The following NALF1 variants were observed in gnomAD, a reference collection of about 807,000 sequenced individuals.
NALF1 encodes the protein NALCN channel auxiliary factor 1.
Under a neutral mutation model 48.4 loss-of-function variants are expected in NALF1, and 3 were observed. The ratio of observed to expected loss-of-function variants is 0.06; its 90% CI spans 0.03 to 0.16. The LOEUF (loss-of-function observed/expected upper bound fraction) is 0.16, where lower values mean the gene tolerates loss of function less well. NALF1 is among the 10% of genes least tolerant of loss of function. The pLI, the probability that NALF1 is intolerant of heterozygous loss-of-function variation, is 1.00. For synonymous variants in NALF1, 262 were observed against 245.7 expected (o/e 1.07, Z -0.62); for missense variants, 526 against 571.5 (o/e 0.92, Z 0.81).
rs539796247 is a variant in NALF1, at chr13:107,361,760, A to G, written c.916-151005T>C. On this transcript the variant is annotated intron_variant, in intron 1 of 2. Coordinates refer to ENST00000375915, the MANE Select transcript of NALF1 (RefSeq NM_001080396.3). ...TAAGATCTCAATTTATAAGTAAGAAATCTAGTTAAGCCATTATCAAATACA... is the reference window on the plus strand; with the variant it reads ...TAAGATCTCAATTTATAAGTAAGAAGTCTAGTTAAGCCATTATCAAATACA... Among the ~76,000 whole-genome samples, 6 of 152,314 alleles carry G rather than the reference A, an allele frequency of 3.9e-5. No homozygotes were observed. The East Asian group carries it at 1.2e-3, about 29-fold the overall frequency.
chr13:107,280,784 T>C (rs1370250282), intron 1 of NALF1, among the ~76,000 whole-genome samples: 1 of 152,186 alleles, frequency 6.6e-6, no homozygotes, highest in Admixed American at 6.5e-5. Flanking sequence ...ATCTCTTTAT[T>C]TGTACTCTTT....
intron 1 of NALF1, among the ~76,000 whole-genome samples, chr13:107,766,871 A>G (rs368774337): frequency 2.0e-5 from 3 of 152,322 alleles, no homozygotes; most frequent in African/African-American, 7.2e-5. Context: ...AAGCTACAGA[A>G]GTAAAACCAA....
intron 1 of NALF1, among the ~76,000 whole-genome samples, chr13:107,352,891 C>G (rs1206261208): frequency 2.0e-5 from 3 of 152,148 alleles, no homozygotes; most frequent in African/African-American, 7.2e-5. Context: ...GACTTCTTCC[C>G]TAGGAATCTC....
At chr13:107,531,622 AC>A (rs1485377890) in intron 1 of NALF1, among the ~76,000 whole-genome samples, 2 of 152,128 alleles carry the variant, frequency 1.3e-5, no homozygotes, top group African/African-American at 4.8e-5. Flanking sequence ...AGTTTATTCA[AC>A]ATCAAAACCA....
chr13:107,461,966 A>C (rs116936877), intron 1 of NALF1, among the ~76,000 whole-genome samples: 1,591 of 152,264 alleles, frequency 0.01, 13 homozygotes, highest in Non-Finnish European at 0.018. Context: ...GAGTTAAAAA[A>C]GGCAGTAGGT....
intron 1 of NALF1, among the ~76,000 whole-genome samples, chr13:107,404,679 G>A (rs756199875): frequency 2.0e-5 from 3 of 151,996 alleles, no homozygotes; most frequent in Admixed American, 1.3e-4. Context: ...TACTTCAGTA[G>A]GAATTATAAG....
chr13:107,809,700 ATC>A (rs1329086278), intron 1 of NALF1, among the ~76,000 whole-genome samples: 8 of 152,062 alleles, frequency 5.3e-5, no homozygotes, highest in Admixed American at 2.0e-4. Flanking sequence ...CTTGTATGAG[ATC>A]TTAATATCAC....
intron 1 of NALF1, among the ~76,000 whole-genome samples, chr13:107,602,496 C>G (rs888223011): frequency 2.6e-5 from 4 of 152,146 alleles, no homozygotes; most frequent in Admixed American, 1.3e-4. Context: ...AGTTGTTTCT[C>G]TGTCTCAAAT....
intron 1 of NALF1, among the ~76,000 whole-genome samples, chr13:107,393,545 T>C (rs993194757): frequency 1.3e-5 from 2 of 152,172 alleles, no homozygotes; most frequent in Admixed American, 6.6e-5. Flanking sequence ...GGGAAGGAGA[T>C]GTTATTTAAT....
chr13:107,256,558 C>A (rs74114023), intron 1 of NALF1, among the ~76,000 whole-genome samples: 12 of 152,080 alleles, frequency 7.9e-5, no homozygotes, highest in Non-Finnish European at 1.8e-4. Context: ...AAAACCATCA[C>A]CTAATTTGGG....
intron 1 of NALF1, among the ~76,000 whole-genome samples, chr13:107,809,049 C>G (rs1026453997): frequency 6.6e-6 from 1 of 152,032 alleles, no homozygotes; most frequent in African/African-American, 2.4e-5. Context: ...AAACAACTCA[C>G]TCTAGAAATC....
chr13:107,550,901 G>GA (rs75862379), intron 1 of NALF1, among the ~76,000 whole-genome samples: 17,900 of 144,884 alleles, frequency 0.12, 1,353 homozygotes, highest in Admixed American at 0.2. Flanking sequence ...TTGACATTCA[G>GA]AAAAAAAAAA....
intron 1 of NALF1, among the ~76,000 whole-genome samples, chr13:107,249,286 T>G (rs1489598538): frequency 6.6e-6 from 1 of 152,116 alleles, no homozygotes; most frequent in East Asian, 1.9e-4. Flanking sequence ...TGTGATGATT[T>G]ATAGCGAGGA....
Position 107,293,154 on chromosome 13 carries a change from G to A in NALF1, c.916-82399C>T, listed in dbSNP as rs562683467. Among the ~76,000 whole-genome samples, 444 of 151,856 alleles carry A rather than the reference G, an allele frequency of 2.9e-3. 3 individuals carry two copies. Among genetic ancestry groups the A allele is most frequent in the African/African-American group, 0.01 (429 of 41,454 alleles). ...CACCACCACACCTGGCTAATTTTTT[G>A]TATTTTTAGTAGAGATGGGGTTTCA... On this transcript the variant is annotated intron_variant, in intron 1 of 2. Transcript: ENST00000375915.
chr13:107,475,734 C>A (rs886956729), intron 1 of NALF1, among the ~76,000 whole-genome samples: 32 of 152,102 alleles, frequency 2.1e-4, no homozygotes, highest in African/African-American at 7.7e-4. Context: ...TCAGGGAATT[C>A]TTGTCTCTTC....
chr13:107,263,046 G>C (rs1458797817), intron 1 of NALF1, among the ~76,000 whole-genome samples: 1 of 152,092 alleles, frequency 6.6e-6, no homozygotes, highest in East Asian at 1.9e-4. Flanking sequence ...AGGAAGAGTT[G>C]AGGGGTTTTG....
intron 1 of NALF1, among the ~76,000 whole-genome samples, chr13:107,717,284 C>T (rs1262577727): frequency 6.6e-6 from 1 of 152,186 alleles, no homozygotes; most frequent in African/African-American, 2.4e-5. Flanking sequence ...TTTTAATCTA[C>T]GAGTTCCCCA....
chr13:107,340,479 T>TCTC (rs1374650638), intron 1 of NALF1, among the ~76,000 whole-genome samples: 1 of 52,944 alleles, frequency 1.9e-5, no homozygotes, highest in African/African-American at 3.4e-5. Context: ...CTCTCTTTCT[T>TCTC]TCTTTCTTTT....
chr13:107,822,451 T>C (rs1879387707), intron 1 of NALF1, among the ~76,000 whole-genome samples: 1 of 152,064 alleles, frequency 6.6e-6, no homozygotes, highest in African/African-American at 2.4e-5. Flanking sequence ...GAAATGGAAA[T>C]GTAAGACTTA....
Sources: gnomAD v4.1 joint callset for allele counts (sites outside exome capture counted in the v4.1 genomes callset) on GRCh38, gnomAD v4.1.1 for gene constraint, MANE v1.5 for transcripts, NCBI Gene and HGNC (gene_info 2026-07-23, HGNC 2026-07-21) for gene names.